The following ADGRB3 variants were observed in gnomAD, a reference collection of about 807,000 sequenced individuals.
ADGRB3 encodes adhesion G protein-coupled receptor B3, also known as brain-specific angiogenesis inhibitor 3.
In ADGRB3, 37 loss-of-function variants were observed where a neutral mutation model predicts 193.4. The observed-to-expected ratio is 0.19, with a 90% CI of 0.15 to 0.25. The LOEUF (loss-of-function observed/expected upper bound fraction) is 0.25. Among genes scored for constraint, ADGRB3 ranks in the 10% least tolerant of loss-of-function variants. ADGRB3 has a pLI of 1.00. For synonymous variants in ADGRB3, 690 were observed against 644.2 expected (o/e 1.07, Z -1.08); for missense variants, 1,637 against 1,852.9 (o/e 0.88, Z 2.14).
chr6:69,301,607 A>G (rs1767949722), intron 20 of ADGRB3, among the ~76,000 whole-genome samples: 3 of 152,076 alleles, frequency 2.0e-5, no homozygotes, highest in South Asian at 2.1e-4. Context: ...TAGTGATGCT[A>G]GGAGAATAAG....
rs1476369167 is a variant in ADGRB3 at position 69,339,625 on chromosome 6, C to T, written c.3459+121C>T. On this transcript the variant is annotated intron_variant, in intron 26 of 31. Transcript: ENST00000370598. ...AGCTGGTCTCCTCCATTGACAATCA[C>T]TTGGGAATCAAAGCTGAAGGAATGC... The T allele has an allele frequency of 1.2e-5, 14 of 1,205,488 alleles. No individual in the cohort carries two copies. In the South Asian group the frequency reaches 2.1e-4, roughly 18 times the overall value. 74.7% of individuals were successfully genotyped at this position (1,205,488 alleles called of 1,614,324 possible). A position where few individuals can be genotyped will look rare whatever the true frequency, so the allele number is the denominator to read the frequency against.
intron 17 of ADGRB3, among the ~76,000 whole-genome samples, chr6:69,134,365 C>A (rs1386802000): frequency 6.6e-6 from 1 of 152,108 alleles, no homozygotes; most frequent in African/African-American, 2.4e-5. Context: ...TTTTAGAGCA[C>A]TGATTGTTTA....
chr6:69,035,035 A>G (rs937464495), intron 13 of ADGRB3, among the ~76,000 whole-genome samples: 2 of 152,054 alleles, frequency 1.3e-5, no homozygotes, highest in African/African-American at 2.4e-5. Context: ...TATAGAGTTG[A>G]TGTGTTAATT....
chr6:68,643,171 A>AAC (rs1277665587), intron 3 of ADGRB3, among the ~76,000 whole-genome samples: 1 of 152,160 alleles, frequency 6.6e-6, no homozygotes, highest in Admixed American at 6.5e-5. Context: ...AGGAAATCTG[A>AAC]ACACACACAC....
intron 31 of ADGRB3, among the ~76,000 whole-genome samples, chr6:69,386,071 G>A (rs888859509): frequency 7.9e-5 from 12 of 152,030 alleles, no homozygotes; most frequent in Non-Finnish European, 1.8e-4. Flanking sequence ...GGAGTGGCTT[G>A]GGATGCTAAA....
intron 3 of ADGRB3, among the ~76,000 whole-genome samples, chr6:68,883,242 A>T (rs1765785309): frequency 6.6e-6 from 1 of 152,112 alleles, no homozygotes. Flanking sequence ...AGGATTGTAA[A>T]TGCACCAATT....
At chr6:69,059,482 A>G in intron 15 of ADGRB3, among the ~76,000 whole-genome samples, 1 of 152,158 alleles carries the variant, frequency 6.6e-6, no homozygotes, top group Non-Finnish European at 1.5e-5. Context: ...AAGTTGGGTT[A>G]CCTTTGAATG....
intron 3 of ADGRB3, among the ~76,000 whole-genome samples, chr6:68,847,523 TGAATA>T (rs1203600440): frequency 6.6e-6 from 1 of 152,176 alleles, no homozygotes; most frequent in African/African-American, 2.4e-5. Context: ...CTCATGATAG[TGAATA>T]AGTCTCACAA....
At chr6:69,137,078 A>ATTTTTTTTTTTTTTTTG (rs1193270145) in intron 17 of ADGRB3, among the ~76,000 whole-genome samples, 2 of 121,474 alleles carry the variant, frequency 1.6e-5, no homozygotes, top group Non-Finnish European at 3.4e-5. Flanking sequence ...TTTTTTTTTA[A>ATTTTTTTTTTTTTTTTG]TGGTAAGATC....
At chr6:69,008,826 T>C (rs1355717262) in intron 11 of ADGRB3, among the ~76,000 whole-genome samples, 1 of 152,138 alleles carries the variant, frequency 6.6e-6, no homozygotes, top group Non-Finnish European at 1.5e-5. Flanking sequence ...TGTTGAGTCT[T>C]CAAATGCTGT....
chr6:69,380,157 G>A (rs1417638366), intron 30 of ADGRB3, among the ~76,000 whole-genome samples: 1 of 151,948 alleles, frequency 6.6e-6, no homozygotes, highest in Non-Finnish European at 1.5e-5. Context: ...TCCATGGAAT[G>A]TATTTGATGC....
intron 17 of ADGRB3, among the ~76,000 whole-genome samples, chr6:69,119,007 G>T (rs915463577): frequency 6.6e-6 from 1 of 152,064 alleles, no homozygotes; most frequent in African/African-American, 2.4e-5. Flanking sequence ...CACTCAAAAA[G>T]AATTAGAGCT....
At chr6:68,955,914 A>G in intron 6 of ADGRB3, 110 bp from the exon 7 acceptor site, 3 of 1,032,746 alleles carry the variant, frequency 2.9e-6, no homozygotes, top group Non-Finnish European at 2.8e-6. Context: ...GTATTCATTC[A>G]TAGTCCATTG....
chr6:69,202,153 A>G (rs989740531), intron 17 of ADGRB3, among the ~76,000 whole-genome samples: 3 of 152,086 alleles, frequency 2.0e-5, no homozygotes, highest in Admixed American at 6.6e-5. Context: ...CAAATGTTTA[A>G]TGAGGCTATG....
intron 19 of ADGRB3, among the ~76,000 whole-genome samples, chr6:69,237,681 A>T (rs926685966): frequency 6.6e-6 from 1 of 152,084 alleles, no homozygotes; most frequent in East Asian, 1.9e-4. Context: ...CAGAACAAAA[A>T]GTTTCACTAA....
intron 17 of ADGRB3, among the ~76,000 whole-genome samples, chr6:69,104,077 G>A (rs1773141741): frequency 6.6e-6 from 1 of 151,712 alleles, no homozygotes; most frequent in East Asian, 1.9e-4. Flanking sequence ...GGGTACATGT[G>A]CACATTGTGC....
At chr6:69,020,640 T>A (rs1024000148) in intron 13 of ADGRB3, among the ~76,000 whole-genome samples, 36 of 152,124 alleles carry the variant, frequency 2.4e-4, no homozygotes, top group Non-Finnish European at 1.6e-4. Flanking sequence ...GTGTGATTGT[T>A]CTGCCTTCTG....
At chr6:68,902,588 G>A (rs1320129845) in intron 3 of ADGRB3, among the ~76,000 whole-genome samples, 1 of 151,836 alleles carries the variant, frequency 6.6e-6, no homozygotes, top group Non-Finnish European at 1.5e-5. Flanking sequence ...CAACACTAAA[G>A]TTGTGATTAA....
intron 3 of ADGRB3, among the ~76,000 whole-genome samples, chr6:68,682,977 C>T (rs1025589450): frequency 6.6e-6 from 1 of 151,954 alleles, no homozygotes; most frequent in Admixed American, 6.6e-5. Flanking sequence ...AGGGTTTTGC[C>T]ATTCACTGTG....
Sources: allele counts gnomAD v4.1 joint callset (sites outside exome capture counted in the v4.1 genomes callset), GRCh38; gene constraint gnomAD v4.1.1; transcripts MANE v1.5; gene names NCBI Gene and HGNC (gene_info 2026-07-23, HGNC 2026-07-21).